MTUS2: variants seen among roughly 807,000 people sequenced by gnomAD.
The protein encoded by MTUS2 is microtubule associated scaffold protein 2.
In MTUS2, 40 loss-of-function variants were observed where a neutral mutation model predicts 114.1. That is an observed-to-expected ratio of 0.35 (90% CI 0.27 to 0.46). The LOEUF is 0.46. Among genes scored for constraint, MTUS2 ranks in the 20% least tolerant of loss-of-function variants. MTUS2 has a pLI of 1.00. For synonymous variants in MTUS2, 688 were observed against 672.0 expected, an observed-to-expected ratio of 1.02 and a Z score of -0.37; for missense variants, 1,679 against 1,705.4, an observed-to-expected ratio of 0.98 and a Z score of 0.27.
chr13:28,975,839 A>G lies in MTUS2; in HGVS notation c.-242-48618A>G, dbSNP rs544024195. ...TACCAGTTCATTTCAGTGAACATTT[A>G]TGACCTACTGTATTTCCGTTATAAA... On this transcript the variant is annotated intron_variant, in intron 2 of 15. Coordinates refer to ENST00000612955, the MANE Select transcript of MTUS2 (RefSeq NM_001033602.4). Among the ~76,000 whole-genome samples, 153 of 152,266 alleles carry G rather than the reference A, an allele frequency of 1.0e-3. 1 individual carries two copies. Among genetic ancestry groups the G allele is most frequent in the Non-Finnish European group, 1.2e-3 (80 of 68,018 alleles).
chr13:29,407,482 ATTTATTT>A lies in MTUS2; in HGVS notation c.3118-32500_3118-32494del, dbSNP rs747854440. The stretch of plus-strand genomic sequence containing the variant: ...TATTTATTTATTTATTTATTTATTT[ATTTATTT>A]ATTTTGAGATGGAGTTTCGCTCTTG... On this transcript the variant is annotated intron_variant, in intron 8 of 15. Transcript: ENST00000612955. Among the ~76,000 whole-genome samples, 1,210 of 139,316 alleles carry A rather than the reference ATTTATTT, an allele frequency of 8.7e-3. 10 individuals are homozygous for A. Among genetic ancestry groups the A allele is most frequent in the African/African-American group, 0.028 (1,065 of 38,404 alleles). 91.4% of individuals were successfully genotyped at this position (139,316 alleles called of 152,430 possible). A position where few individuals can be genotyped will look rare whatever the true frequency, so the allele number is the denominator to read the frequency against.
chr13:29,463,283 G>T (rs995073332), intron 9 of MTUS2, among the ~76,000 whole-genome samples: 2 of 152,164 alleles, frequency 1.3e-5, no homozygotes, highest in Admixed American at 6.5e-5. Context: ...TCAGGCTTCT[G>T]ACCTCCAGGA....
chr13:28,985,667 G>T (rs1884552918), intron 2 of MTUS2, among the ~76,000 whole-genome samples: 3 of 151,740 alleles, frequency 2.0e-5, no homozygotes, highest in African/African-American at 7.3e-5. Flanking sequence ...TTATGTGTCA[G>T]CTTGCCTAGG....
At chr13:28,878,792 A>G (rs1387792388) in intron 2 of MTUS2, among the ~76,000 whole-genome samples, 1 of 152,194 alleles carries the variant, frequency 6.6e-6, no homozygotes, top group East Asian at 1.9e-4. Context: ...CAGAAAACAT[A>G]CATGTGCACG....
intron 2 of MTUS2, among the ~76,000 whole-genome samples, chr13:28,992,471 A>G (rs1480851920): frequency 6.6e-6 from 1 of 152,066 alleles, no homozygotes; most frequent in Non-Finnish European, 1.5e-5. Context: ...GTAAGAAGAG[A>G]TGGTTTTGAC....
chr13:29,371,767 C>G (rs1017224363), intron 8 of MTUS2, among the ~76,000 whole-genome samples: 1 of 152,032 alleles, frequency 6.6e-6, no homozygotes, highest in Non-Finnish European at 1.5e-5. Context: ...GGCAGGAGAA[C>G]TCTTAGTATT....
At chr13:29,245,906 C>T (rs1031576638) in intron 5 of MTUS2, among the ~76,000 whole-genome samples, 3 of 152,018 alleles carry the variant, frequency 2.0e-5, no homozygotes, top group Admixed American at 2.0e-4. Context: ...ACCATGTTAG[C>T]CAGGATGGTC....
At chr13:28,998,891 T>C (rs148882848) in intron 2 of MTUS2, among the ~76,000 whole-genome samples, 2,691 of 152,330 alleles carry the variant, frequency 0.018, 81 homozygotes, top group African/African-American at 0.061. Flanking sequence ...TCTCTGAACT[T>C]GTCAAAGTCA....
chr13:28,988,943 C>T (rs7987203), intron 2 of MTUS2, among the ~76,000 whole-genome samples: 64,078 of 152,022 alleles, frequency 0.42, 14,257 homozygotes, highest in South Asian at 0.57. Context: ...CTCTTTCCAG[C>T]AGGAAGATGT....
intron 8 of MTUS2, among the ~76,000 whole-genome samples, chr13:29,429,588 G>A (rs1413490698): frequency 6.6e-6 from 1 of 152,162 alleles, no homozygotes; most frequent in East Asian, 1.9e-4. Flanking sequence ...TTTGACATTT[G>A]CCTACTCTTG....
chr13:28,904,610 T>G (rs1266721043), intron 2 of MTUS2, among the ~76,000 whole-genome samples: 2 of 152,202 alleles, frequency 1.3e-5, no homozygotes, highest in Non-Finnish European at 2.9e-5. Context: ...TCCATTGGTC[T>G]ATATCTCTGT....
intron 6 of MTUS2, among the ~76,000 whole-genome samples, chr13:29,301,980 T>C (rs1899223743): frequency 6.6e-6 from 1 of 152,144 alleles, no homozygotes; most frequent in Non-Finnish European, 1.5e-5. Flanking sequence ...ACTAATCCCA[T>C]TCCTGAGGGA....
At chr13:28,910,088 AGTCT>A (rs141085847) in intron 2 of MTUS2, among the ~76,000 whole-genome samples, 2,922 of 152,252 alleles carry the variant, frequency 0.019, 34 homozygotes, top group Non-Finnish European at 0.032. Flanking sequence ...TACTGACTGT[AGTCT>A]GTCTGTTGTG....
intron 5 of MTUS2, among the ~76,000 whole-genome samples, chr13:29,235,502 A>G (rs1896502436): frequency 1.3e-5 from 2 of 152,126 alleles, no homozygotes; most frequent in African/African-American, 2.4e-5. Flanking sequence ...TTATTATCTC[A>G]CTTGAGCTTT....
intron 8 of MTUS2, among the ~76,000 whole-genome samples, chr13:29,406,971 C>A (rs1821756816): frequency 6.6e-6 from 1 of 152,348 alleles, no homozygotes; most frequent in Non-Finnish European, 1.5e-5. Context: ...TTAGGCCGGG[C>A]ACAGTGGCTC....
chr13:29,159,082 G>C (rs17575256), intron 5 of MTUS2, among the ~76,000 whole-genome samples: 23,093 of 152,210 alleles, frequency 0.15, 1,933 homozygotes, highest in Middle Eastern at 0.21. Flanking sequence ...TTACCGTGGA[G>C]AATGTTCGTG....
chr13:29,369,362 T>C (rs963068486), intron 8 of MTUS2, among the ~76,000 whole-genome samples: 10 of 152,288 alleles, frequency 6.6e-5, no homozygotes, highest in Admixed American at 3.9e-4. Flanking sequence ...AAAGAACTCA[T>C]GTCAAGTATT....
intron 8 of MTUS2, among the ~76,000 whole-genome samples, chr13:29,394,488 A>G (rs189268254): frequency 2.5e-4 from 38 of 152,358 alleles, no homozygotes; most frequent in Admixed American, 2.4e-3. Flanking sequence ...TGGCAACTAC[A>G]GTCCTTATTA....
intron 9 of MTUS2, among the ~76,000 whole-genome samples, chr13:29,448,375 G>A (rs1464084811): frequency 1.3e-5 from 2 of 152,238 alleles, no homozygotes; most frequent in Non-Finnish European, 1.5e-5. Context: ...TGAATGTGGT[G>A]TGAAATTGGC....
Sources: allele counts gnomAD v4.1 joint callset (sites outside exome capture counted in the v4.1 genomes callset), GRCh38; gene constraint gnomAD v4.1.1; transcripts MANE v1.5; gene names NCBI Gene and HGNC (gene_info 2026-07-23, HGNC 2026-07-21).